SETBP1: variants seen among roughly 807,000 people sequenced by gnomAD.
The protein encoded by SETBP1 is SET binding protein 1, also known as SET-binding protein.
SETBP1 carries 9 observed loss-of-function variants against 101.0 expected under a neutral mutation model. That is an observed-to-expected ratio of 0.09 (90% confidence interval 0.05 to 0.16). SETBP1 has a LOEUF of 0.16. Among genes scored for constraint, SETBP1 ranks in the 10% least tolerant of loss-of-function variants. The pLI is 1.00. For synonymous variants in SETBP1, 818 were observed against 788.5 expected (o/e 1.04, Z -0.63); for missense variants, 1,858 against 2,033.8 (o/e 0.91, Z 1.66).
chr18:44,978,082 G>T (rs1352204200), intron 4 of SETBP1, among the ~76,000 whole-genome samples: 1 of 152,144 alleles, frequency 6.6e-6, no homozygotes, highest in Non-Finnish European at 1.5e-5. Flanking sequence ...AGCCAGGGTT[G>T]CAACCAGCCC....
intron 4 of SETBP1, among the ~76,000 whole-genome samples, chr18:44,999,295 G>GA (rs944038067): frequency 6.6e-6 from 1 of 151,676 alleles, no homozygotes; most frequent in East Asian, 1.9e-4. Flanking sequence ...CCCAGGATGC[G>GA]AAAAAAAAGT....
At chr18:44,972,463 G>A (rs995801624) in intron 4 of SETBP1, among the ~76,000 whole-genome samples, 5 of 152,084 alleles carry the variant, frequency 3.3e-5, no homozygotes, top group African/African-American at 7.2e-5. Flanking sequence ...AAATTACCTC[G>A]GGCAGTATGG....
intron 4 of SETBP1, among the ~76,000 whole-genome samples, chr18:44,977,306 G>A (rs892965489): frequency 1.3e-5 from 2 of 152,178 alleles, no homozygotes; most frequent in African/African-American, 4.8e-5. Flanking sequence ...GGGAAAGGGG[G>A]AAAAAAGGAG....
chr18:44,941,333 A>G (rs2071085128), intron 3 of SETBP1, among the ~76,000 whole-genome samples: 3 of 151,998 alleles, frequency 2.0e-5, no homozygotes, highest in Admixed American at 2.0e-4. Context: ...CAAGTGATCC[A>G]TCCCTTGGCT....
intron 4 of SETBP1, among the ~76,000 whole-genome samples, chr18:44,973,953 C>T (rs2071927972): frequency 6.6e-6 from 1 of 152,160 alleles, no homozygotes; most frequent in African/African-American, 2.4e-5. Flanking sequence ...GACTGTAGTC[C>T]AGAACCATTT....
At chr18:44,813,270 T>C (rs1208220090) in intron 2 of SETBP1, among the ~76,000 whole-genome samples, 4 of 152,192 alleles carry the variant, frequency 2.6e-5, no homozygotes, top group African/African-American at 9.7e-5. Context: ...TGGTGATGGC[T>C]CCTCCCCATG....
chr18:44,739,408 G>A (rs2070049079), intron 2 of SETBP1, among the ~76,000 whole-genome samples: 1 of 152,108 alleles, frequency 6.6e-6, no homozygotes, highest in African/African-American at 2.4e-5. Context: ...CTTGATCTGT[G>A]ACTGCTCCTC....
At chr18:44,745,655 C>G (rs1383310282) in intron 2 of SETBP1, among the ~76,000 whole-genome samples, 1 of 152,202 alleles carries the variant, frequency 6.6e-6, no homozygotes, top group Non-Finnish European at 1.5e-5. Flanking sequence ...AGCTTGTGCT[C>G]AACCTTGCCA....
intron 3 of SETBP1, chr18:44,869,577 G>A (rs1208410647): frequency 2.8e-6 from 1 of 356,996 alleles, no homozygotes; most frequent in African/African-American, 2.2e-5. Flanking sequence ...TTAGGAAAGG[G>A]TTAAACCAAT....
At chr18:44,777,769 A>G (rs1371173585) in intron 2 of SETBP1, among the ~76,000 whole-genome samples, 1 of 152,240 alleles carries the variant, frequency 6.6e-6, no homozygotes, top group African/African-American at 2.4e-5. Flanking sequence ...GGAAATCCAA[A>G]TTCAAAATCT....
chr18:44,935,197 A>C (rs2070932059), intron 3 of SETBP1, among the ~76,000 whole-genome samples: 1 of 152,182 alleles, frequency 6.6e-6, no homozygotes, highest in South Asian at 2.1e-4. Context: ...TGCAGTTCAC[A>C]GTGTTCATGG....
chr18:44,729,954 A>G (rs945012857), intron 2 of SETBP1, among the ~76,000 whole-genome samples: 2 of 152,200 alleles, frequency 1.3e-5, no homozygotes, highest in Non-Finnish European at 2.9e-5. Flanking sequence ...ATCAGAAGCC[A>G]GTGAAGAAGA....
intron 4 of SETBP1, among the ~76,000 whole-genome samples, chr18:45,025,620 AC>A (rs1430152740): frequency 1.3e-5 from 2 of 152,212 alleles, no homozygotes; most frequent in Non-Finnish European, 2.9e-5. Context: ...AGGAATTCAA[AC>A]AGTGAAATAA....
intron 4 of SETBP1, among the ~76,000 whole-genome samples, chr18:44,999,662 A>G (rs1242307897): frequency 2.0e-5 from 3 of 152,258 alleles, no homozygotes; most frequent in Non-Finnish European, 4.4e-5. Flanking sequence ...GCAAAACAGG[A>G]AAGTAATAGA....
chr18:44,950,106 C>A lies in SETBP1; in HGVS notation c.766C>A (p.Pro256Thr). The A allele has an allele frequency of 1.2e-6, 2 of 1,614,082 alleles. No individual in the cohort carries two copies. Among genetic ancestry groups the A allele is most frequent in the Non-Finnish European group, 8.5e-7 (1 of 1,180,050 alleles). The part of the protein sequence containing the change: ...ASTSKIPALE[P>T]VASFAKAQGK... ...CACCAGCAAGATCCCCGCTCTTGAGCCCGTGGCTTCCTTTGCAAAGGCCCA... is the reference window on the plus strand; with the variant it reads ...CACCAGCAAGATCCCCGCTCTTGAGACCGTGGCTTCCTTTGCAAAGGCCCA... The change falls in exon 4 of 6, where the codon CCC (proline) becomes ACC (threonine). Residue 256 changes from proline (P) to threonine (T), a missense_variant. Physicochemically the swap from Pro to Thr is conservative, Grantham distance 38. Coordinates refer to ENST00000649279, the MANE Select transcript of SETBP1 (RefSeq NM_015559.3).
In SETBP1 at chr18:44,951,810, A is replaced by G. The variant is rs1337352768; in HGVS notation, c.2470A>G (p.Ser824Gly). ...AACCAAAACCCAAAAGGGAATACAC[A>G]GTGGAACCTGGAAGCTGTCTCCACC... ...LPTKTQKGIH[S>G]GTWKLSPPRL... The change falls in exon 4 of 6, where the codon AGT (serine) becomes GGT (glycine). Residue 824 changes from serine (S) to glycine (G), a missense_variant. This residue lies in a region of SETBP1 where 121 missense variants were observed against 138.0 expected (regional missense o/e 0.88). Coordinates refer to ENST00000649279, the MANE Select transcript of SETBP1 (RefSeq NM_015559.3). The surrounding 1 kb of genome is among the most constrained non-coding windows in gnomAD (Gnocchi z 7.8). 6.2e-7 allele frequency: 1 copy of G among 1,614,086 alleles called. No homozygotes were observed. Among genetic ancestry groups the G allele is most frequent in the Non-Finnish European group, 8.5e-7 (1 of 1,180,038 alleles).
chr18:44,795,402 C>T (rs1373246136), intron 2 of SETBP1, among the ~76,000 whole-genome samples: 2 of 152,138 alleles, frequency 1.3e-5, no homozygotes, highest in East Asian at 1.9e-4. Flanking sequence ...GAGTCTCCTT[C>T]GGTAGCTATA....
chr18:44,920,303 A>G (rs376967919), intron 3 of SETBP1, among the ~76,000 whole-genome samples: 1 of 152,172 alleles, frequency 6.6e-6, no homozygotes, highest in Non-Finnish European at 1.5e-5. Flanking sequence ...ATACTATTGC[A>G]TTGGGGATTA....
chr18:44,681,794 G>A (rs2144078030), intron 1 of SETBP1, among the ~76,000 whole-genome samples: 1 of 152,190 alleles, frequency 6.6e-6, no homozygotes, highest in Middle Eastern at 3.4e-3. Flanking sequence ...TTTCCGATTC[G>A]TTTCCGTTTC....
Sources: allele counts gnomAD v4.1 joint callset (sites outside exome capture counted in the v4.1 genomes callset), GRCh38; gene constraint gnomAD v4.1.1; regional missense constraint gnomAD v4.1.1; non-coding constraint Gnocchi (gnomAD v3.1); transcripts MANE v1.5; gene names NCBI Gene and HGNC (gene_info 2026-07-23, HGNC 2026-07-21).